The following INPP4A variants were observed in gnomAD, a reference collection of about 807,000 sequenced individuals.
INPP4A encodes the protein inositol polyphosphate-4-phosphatase, type I, 107kD.
A neutral mutation model predicts 119.8 loss-of-function variants in INPP4A; 33 were observed. The observed-to-expected ratio is 0.28, with a 90% CI of 0.21 to 0.37. INPP4A has a LOEUF of 0.37. Among genes scored for constraint, INPP4A ranks in the 10% least tolerant of loss-of-function variants. The pLI is 1.00. For missense variants in INPP4A, 956 were observed against 1,289.9 expected (o/e 0.74, Z 3.97); for synonymous variants, 496 against 500.7 (o/e 0.99, Z 0.12).
At position 98,493,708 on chromosome 2, in the gene INPP4A, C is replaced by T. The variant is rs550465615; in HGVS notation, c.-165-25256C>T. ...CCAAAATAATGTCTTTTTAAAAGCA[C>T]GGTTTAATTCTATCTGGGGAGGCAG... On this transcript the variant is annotated intron_variant, in intron 1 of 24. Coordinates refer to ENST00000409851, the MANE Select transcript of INPP4A (RefSeq NM_001134225.2). Among the ~76,000 whole-genome samples the T allele has an allele frequency of 2.5e-3, 387 of 152,168 alleles. 4 individuals are homozygous for T. The highest frequency in any genetic ancestry group is 8.9e-3 in the African/African-American group (369 of 41,520).
intron 1 of INPP4A, among the ~76,000 whole-genome samples, chr2:98,455,408 G>A (rs932532749): frequency 6.6e-6 from 1 of 152,080 alleles, no homozygotes; most frequent in African/African-American, 2.4e-5. Flanking sequence ...TTGGAAGAGG[G>A]GAGTGAGTAA....
intron 1 of INPP4A, among the ~76,000 whole-genome samples, chr2:98,446,538 C>G (rs1485917667): frequency 4.0e-5 from 6 of 151,856 alleles, no homozygotes; most frequent in South Asian, 2.1e-4. Flanking sequence ...AGTAAACACG[C>G]CTGTGAAGCC....
At chr2:98,523,234 C>T (rs961781865) in intron 4 of INPP4A, among the ~76,000 whole-genome samples, 10 of 152,094 alleles carry the variant, frequency 6.6e-5, no homozygotes, top group South Asian at 2.1e-4. Context: ...AATCCTCATC[C>T]GCCTATAAAT....
chr2:98,501,893 C>T (rs964993246), intron 1 of INPP4A, among the ~76,000 whole-genome samples: 1 of 152,234 alleles, frequency 6.6e-6, no homozygotes, highest in African/African-American at 2.4e-5. Flanking sequence ...GGCCCCTGCA[C>T]TGCTGAGCTG....
chr2:98,539,534 G>T lies in INPP4A; in HGVS notation c.677G>T (p.Gly226Val), dbSNP rs1379669602. ...CCTTGTCATCCCACCTCAGTGTTCG[G>T]TGGTGCCATCTGCCGCATGTACCGG... ...RKDTLLKSVFGGAICRMYRFP... is the reference protein window; with the variant it reads ...RKDTLLKSVFVGAICRMYRFP... Residue 226 changes from glycine to valine, a missense_variant, in exon 10 of 25, where the codon GGT becomes GTT. Around this residue, in one of 2 missense-constraint regions of INPP4A, gnomAD observed 652 missense variants for 797.9 expected, o/e 0.82. Transcript: ENST00000409851. The T allele has an allele frequency of 3.1e-6, 5 of 1,608,096 alleles. No individual in the cohort carries two copies. Among genetic ancestry groups the T allele is most frequent in the Non-Finnish European group, 4.3e-6 (5 of 1,176,222 alleles).
rs1257712378 is a variant in INPP4A, at chr2:98,566,448, G to T, written c.2420+279G>T. Among the ~76,000 whole-genome samples the T allele has an allele frequency of 6.6e-6, 1 of 152,154 alleles. No individual in the cohort carries two copies. The highest frequency in any genetic ancestry group is 1.5e-5 in the Non-Finnish European group (1 of 68,018). On this transcript the variant is annotated intron_variant, in intron 21 of 24. Transcript: ENST00000409851. This position sits in a 1 kb window ranked among gnomAD's most constrained non-coding sequence, Gnocchi z 4.2. ...GATACAGGGCATTGTGGGATCCGGA[G>T]TAGGGCACCCAGCAAGGTCTAGGGG...
chr2:98,471,794 G>A (rs946346428), intron 1 of INPP4A, among the ~76,000 whole-genome samples: 3 of 152,178 alleles, frequency 2.0e-5, no homozygotes, highest in African/African-American at 7.2e-5. Flanking sequence ...CCCCTGTTGG[G>A]GCTGAAGTCA....
In INPP4A at chr2:98,565,739, A is replaced by T. The variant is rs755436208; in HGVS notation, c.2252A>T (p.Asp751Val). Residue 751 changes from aspartate (D) to valine (V), a missense_variant, in exon 20 of 25, where the codon GAC becomes GTC. By Grantham distance (152) the Asp-to-Val change is radical (BLOSUM62 -3). Transcript: ENST00000409851. Reference sequence around the variant, plus strand: ...CAGGCCACTTCCAGCGCCTCCGCAGACATGCTGCCCGTCATCACAGGAAAT... The same window carrying T: ...CAGGCCACTTCCAGCGCCTCCGCAGTCATGCTGCCCGTCATCACAGGAAAT... Reference protein sequence around the residue: ...VTQATSSASADMLPVITGNRD... With the variant: ...VTQATSSASAVMLPVITGNRD... 1.2e-6 allele frequency: 2 copies of T among 1,612,838 alleles called. No individual in the cohort carries two copies. Among genetic ancestry groups the T allele is most frequent in the Admixed American group, 3.4e-5 (2 of 59,692 alleles).
chr2:98,512,902 T>A (rs1417714839), intron 1 of INPP4A, among the ~76,000 whole-genome samples: 2 of 152,226 alleles, frequency 1.3e-5, no homozygotes, highest in Non-Finnish European at 2.9e-5. Context: ...CTGCAGCATG[T>A]GGCCTTTCCA....
intron 1 of INPP4A, among the ~76,000 whole-genome samples, chr2:98,452,328 G>A (rs1161628872): frequency 1.3e-5 from 2 of 152,186 alleles, no homozygotes; most frequent in African/African-American, 4.8e-5. Flanking sequence ...CTGAGAACTT[G>A]TTAGAACTGG....
intron 4 of INPP4A, among the ~76,000 whole-genome samples, chr2:98,530,355 A>G (rs1339954307): frequency 1.3e-5 from 2 of 152,078 alleles, no homozygotes; most frequent in Non-Finnish European, 2.9e-5. Flanking sequence ...ATTAGACACT[A>G]AGTGTCTAAA....
chr2:98,482,921 T>G (rs999901322), intron 1 of INPP4A, among the ~76,000 whole-genome samples: 1 of 152,220 alleles, frequency 6.6e-6, no homozygotes, highest in Non-Finnish European at 1.5e-5. Flanking sequence ...TCAGAGGAAA[T>G]GCTTATTGGA....
intron 21 of INPP4A, among the ~76,000 whole-genome samples, chr2:98,567,709 C>A (rs1401129166): frequency 6.6e-6 from 1 of 152,106 alleles, no homozygotes; most frequent in African/African-American, 2.4e-5. Flanking sequence ...CCTGAGGTCA[C>A]TGGTGAGCTG....
chr2:98,518,744 C>T (rs72935481), intron 1 of INPP4A, among the ~76,000 whole-genome samples: 2,266 of 152,310 alleles, frequency 0.015, 60 homozygotes, highest in African/African-American at 0.052. Context: ...CCAGACTCCC[C>T]CAGCAGATCA....
In INPP4A at chr2:98,515,125, C is replaced by T. The variant is rs187411163; in HGVS notation, c.-165-3839C>T. On this transcript the variant is annotated intron_variant, in intron 1 of 24. Transcript: ENST00000409851. ...CCTTTGCAGTATCCTTCCTGTCTGTCTGCAGGAAGGTGATATTTGTCTTTC... is the reference window on the plus strand; with the variant it reads ...CCTTTGCAGTATCCTTCCTGTCTGTTTGCAGGAAGGTGATATTTGTCTTTC... Among the ~76,000 whole-genome samples, 21 of 152,290 alleles carry T rather than the reference C, an allele frequency of 1.4e-4. No homozygotes were observed. The East Asian group carries it at 3.9e-3, about 28-fold the overall frequency.
At chr2:98,583,052 A>G (rs2106550841) in intron 24 of INPP4A, among the ~76,000 whole-genome samples, 1 of 152,210 alleles carries the variant, frequency 6.6e-6, no homozygotes, top group East Asian at 1.9e-4. Flanking sequence ...CCAGACACAG[A>G]AAGATCACCT....
At chr2:98,471,280 G>A (rs1174116838) in intron 1 of INPP4A, among the ~76,000 whole-genome samples, 1 of 152,194 alleles carries the variant, frequency 6.6e-6, no homozygotes, top group African/African-American at 2.4e-5. Flanking sequence ...TTACTTCACA[G>A]TCATTCCACA....
At position 98,586,529 on chromosome 2, in the gene INPP4A, A is replaced by C. The variant is rs141060568; in HGVS notation, c.2787-947A>C. ...AAGTTATACTGTGCTGTGGGAAGTC[A>C]TTTATGTTTAAAATCACTTTTGCTG... On this transcript the variant is annotated intron_variant, in intron 24 of 24. Transcript: ENST00000409851. Among the ~76,000 whole-genome samples, 871 of 152,346 alleles carry C rather than the reference A, an allele frequency of 5.7e-3. 12 individuals are homozygous for C. The highest frequency in any genetic ancestry group is 0.031 in the Middle Eastern group (9 of 294).
At chr2:98,509,832 A>G (rs1317372602) in intron 1 of INPP4A, among the ~76,000 whole-genome samples, 1 of 152,218 alleles carries the variant, frequency 6.6e-6, no homozygotes, top group African/African-American at 2.4e-5. Context: ...CTGAACGTTC[A>G]TGGTATATGG....
Sources: gnomAD v4.1 joint callset for allele counts (sites outside exome capture counted in the v4.1 genomes callset) on GRCh38, gnomAD v4.1.1 for gene constraint, gnomAD v4.1.1 regional missense constraint, Gnocchi (gnomAD v3.1) non-coding constraint, MANE v1.5 for transcripts, NCBI Gene and HGNC (gene_info 2026-07-23, HGNC 2026-07-21) for gene names.